The following PSMA3 variants were observed in gnomAD, a reference collection of about 807,000 sequenced individuals.
PSMA3 encodes proteasome 20S subunit alpha 3.
A neutral mutation model predicts 40.0 loss-of-function variants in PSMA3; 8 were observed. The observed-to-expected ratio is 0.20, with a 90% CI of 0.12 to 0.36. PSMA3 has a LOEUF of 0.36. Ranked by LOEUF, PSMA3 falls within the 10% of genes least tolerant of loss-of-function variation. The pLI is 1.00. For synonymous variants in PSMA3, 110 were observed against 100.0 expected (o/e 1.10, Z -0.59); for missense variants, 219 against 310.6 (o/e 0.70, Z 2.22).
intron 10 of PSMA3, 104 bp downstream of exon 10, chr14:58,271,102 T>A: frequency 3.2e-6 from 2 of 633,194 alleles, no homozygotes; most frequent in Non-Finnish European, 4.9e-6. Flanking sequence ...CCCCCATCCC[T>A]AATTTAAAAA....
chr14:58,245,397 G>A (rs1258071328), intron 1 of PSMA3: 2 of 179,538 alleles, frequency 1.1e-5, no homozygotes, highest in Non-Finnish European at 2.4e-5. Context: ...CTGTCTTTAA[G>A]TGTGCAGATC....
intron 6 of PSMA3, among the ~76,000 whole-genome samples, chr14:58,262,877 G>A (rs1030807198): frequency 2.0e-5 from 3 of 151,518 alleles, no homozygotes; most frequent in Non-Finnish European, 4.4e-5. Context: ...GCCTGTTACC[G>A]TTTCTTAACT....
At chr14:58,263,590 C>T in intron 6 of PSMA3, 115 bp from the exon 7 acceptor site, 1 of 787,274 alleles carries the variant, frequency 1.3e-6, no homozygotes, top group East Asian at 2.9e-5. Flanking sequence ...TTTTTCTATA[C>T]TTGCTTTTAA....
chr14:58,249,734 G>A (rs977611586), intron 2 of PSMA3, among the ~76,000 whole-genome samples: 4 of 152,114 alleles, frequency 2.6e-5, no homozygotes, highest in African/African-American at 9.7e-5. Flanking sequence ...TCAAACTCCT[G>A]AGCCCAAGTG....
rs1168585320 is a variant in PSMA3, at chr14:58,263,548, CTT to C, written c.478-155_478-154del. Reference sequence around the variant, plus strand: ...TTTGGTATTTTAGTATTTTTGAGCCCTTTGGCATTCATCAGAATGTGTTTGAC... The same window carrying C: ...TTTGGTATTTTAGTATTTTTGAGCCCTGGCATTCATCAGAATGTGTTTGAC... On this transcript the variant is annotated intron_variant, in intron 6 of 10. Transcript: ENST00000216455. 29 of 521,174 alleles carry C rather than the reference CTT, an allele frequency of 5.6e-5. No individual in the cohort carries two copies. In the Admixed American group the frequency reaches 1.0e-3, roughly 19 times the overall value. 32.3% of individuals were successfully genotyped at this position (521,174 alleles called of 1,614,324 possible). A position where few individuals can be genotyped will look rare whatever the true frequency, so the allele number is the denominator to read the frequency against.
rs751605663 is a variant in PSMA3 at position 58,257,733 on chromosome 14, C to CT, written c.229-4dup. 46 of 1,596,392 alleles carry CT rather than the reference C, an allele frequency of 2.9e-5. No individual in the cohort carries two copies. The highest frequency in any genetic ancestry group is 9.0e-5 in the East Asian group (4 of 44,482). On this transcript the variant is annotated splice_polypyrimidine_tract_variant and intron_variant, in intron 3 of 10. Coordinates refer to ENST00000216455, the MANE Select transcript of PSMA3 (RefSeq NM_002788.4). Reference sequence around the variant, plus strand: ...AATGTGTTCCTCTAGTAAATTGGTGCTTTTTTTTCAGGCAGTAGCAGGTTT... The same window carrying CT: ...AATGTGTTCCTCTAGTAAATTGGTGCTTTTTTTTTCAGGCAGTAGCAGGTTT...
intron 6 of PSMA3, 88 bp downstream of exon 6, chr14:58,261,108 T>TA (rs113018196): frequency 5.8e-4 from 518 of 896,772 alleles, no homozygotes; most frequent in South Asian, 6.6e-4. Flanking sequence ...TATATGAAAT[T>TA]AAAAAAAAAC....
At chr14:58,245,530 C>T (rs1594821759) in intron 1 of PSMA3, 1 of 152,582 alleles carries the variant, frequency 6.6e-6, no homozygotes, top group South Asian at 2.0e-4. Context: ...TACAAATTAC[C>T]TAACAGCGCT....
At chr14:58,266,823 G>A (rs1738784958) in intron 7 of PSMA3, 1 of 152,080 alleles carries the variant, frequency 6.6e-6, no homozygotes, top group South Asian at 2.1e-4. Flanking sequence ...AAATATTAAT[G>A]ACTTGTTTGC....
intron 2 of PSMA3, among the ~76,000 whole-genome samples, chr14:58,250,995 G>A (rs1414170245): frequency 6.6e-6 from 1 of 152,050 alleles, no homozygotes; most frequent in African/African-American, 2.4e-5. Flanking sequence ...AAACAGAGAA[G>A]TTGTGCCGGT....
Position 58,250,369 on chromosome 14 carries a change from A to C in PSMA3, c.105-1750A>C, listed in dbSNP as rs77402581. On this transcript the variant is annotated intron_variant, in intron 2 of 10. Coordinates refer to ENST00000216455, the MANE Select transcript of PSMA3 (RefSeq NM_002788.4). ...CTGCTTGAGTTCAACTAAGTTTGCA[A>C]ACCTTTTGGGGAAATTCATTTAAAT... Among the ~76,000 whole-genome samples, 346 of 152,244 alleles carry C rather than the reference A, an allele frequency of 2.3e-3. 15 individuals carry two copies. In the East Asian group the frequency reaches 0.063, roughly 28 times the overall value.
chr14:58,267,230 G>A, intron 7 of PSMA3: 1 of 455,486 alleles, frequency 2.2e-6, no homozygotes, highest in Non-Finnish European at 3.1e-6. Context: ...TCGAACTTCT[G>A]ACTTCAGGCA....
In PSMA3 at chr14:58,271,743, T is replaced by G; in HGVS notation, c.724-108T>G. 3 of 743,440 alleles carry G rather than the reference T, an allele frequency of 4.0e-6. No homozygotes were observed. In the East Asian group the frequency reaches 8.1e-5, roughly 20 times the overall value. The allele number at this position is 743,440 out of a possible 1,614,324, so 46.1% of individuals were successfully genotyped here. On this transcript the variant is annotated intron_variant, in intron 10 of 10. Coordinates refer to ENST00000216455, the MANE Select transcript of PSMA3 (RefSeq NM_002788.4). ...CTGAAACTGTTCATTCAGTTACAAG[T>G]AGAGGAATTTAACCACTTAATTCAG...
intron 3 of PSMA3, among the ~76,000 whole-genome samples, chr14:58,254,024 T>C (rs772110430): frequency 6.6e-6 from 1 of 151,916 alleles, no homozygotes; most frequent in Non-Finnish European, 1.5e-5. Context: ...TAGGACCCAA[T>C]AGTTATTTTT....
chr14:58,246,784 G>C (rs1395760432), intron 1 of PSMA3, among the ~76,000 whole-genome samples: 1 of 152,046 alleles, frequency 6.6e-6, no homozygotes, highest in Non-Finnish European at 1.5e-5. Flanking sequence ...AGCTACTACC[G>C]CTATCTTTGG....
rs1168405554 is a variant in PSMA3 at position 58,257,614 on chromosome 14, C to A, written c.229-131C>A. 1.0e-5 allele frequency: 7 copies of A among 693,184 alleles called. No homozygotes were observed. The South Asian group carries it at 1.2e-4, about 12-fold the overall frequency. The allele number at this position is 693,184 out of a possible 1,614,324, so 42.9% of individuals were successfully genotyped here. ...AGCATCAAAATGCCTTGTAGAGAGACCTTTAAGCCAAAAAAGTTTATTTTG... is the reference window on the plus strand; with the variant it reads ...AGCATCAAAATGCCTTGTAGAGAGAACTTTAAGCCAAAAAAGTTTATTTTG... On this transcript the variant is annotated intron_variant, in intron 3 of 10. Transcript: ENST00000216455.
intron 3 of PSMA3, among the ~76,000 whole-genome samples, chr14:58,254,417 A>T (rs1890099321): frequency 7.4e-6 from 1 of 135,720 alleles, no homozygotes; most frequent in African/African-American, 2.7e-5. Flanking sequence ...AGCTCACTGC[A>T]GCCTTGCGCT....
At chr14:58,271,107 T>A (rs544754779) in intron 10 of PSMA3, 109 bp downstream of exon 10, 148 of 464,008 alleles carry the variant, frequency 3.2e-4, no homozygotes, top group South Asian at 4.3e-4. Context: ...ATCCCTAATT[T>A]AAAAAAAAAA....
At chr14:58,250,220 CAAAAAAA>C (rs10634649) in intron 2 of PSMA3, among the ~76,000 whole-genome samples, 1 of 93,050 alleles carries the variant, frequency 1.1e-5, no homozygotes, top group Non-Finnish European at 2.0e-5. Context: ...ACTCCATCTC[CAAAAAAA>C]AAAAAAAAAT....
Sources: allele counts gnomAD v4.1 joint callset (sites outside exome capture counted in the v4.1 genomes callset), GRCh38; gene constraint gnomAD v4.1.1; transcripts MANE v1.5; gene names NCBI Gene and HGNC (gene_info 2026-07-23, HGNC 2026-07-21).